The following MECOM variants were observed in gnomAD, a reference collection of about 807,000 sequenced individuals.
MECOM encodes the protein histone-lysine N-methyltransferase MECOM.
MECOM carries 13 observed loss-of-function variants against 116.3 expected under a neutral mutation model. The observed-to-expected ratio is 0.11, with a 90% CI of 0.07 to 0.18. The LOEUF (loss-of-function observed/expected upper bound fraction) is 0.18, where lower values mean the gene tolerates loss of function less well. Ranked by LOEUF, MECOM falls within the 10% of genes least tolerant of loss-of-function variation. The pLI is 1.00. For missense variants in MECOM, 1,299 were observed against 1,509.0 expected (o/e 0.86, Z 2.31); for synonymous variants, 528 against 535.2 (o/e 0.99, Z 0.19).
intron 3 of MECOM, among the ~76,000 whole-genome samples, chr3:169,142,490 G>A (rs990994077): frequency 6.6e-6 from 1 of 151,752 alleles, no homozygotes; most frequent in East Asian, 1.9e-4. Flanking sequence ...TATGATAGAC[G>A]GAATATTTTC....
chr3:169,571,274 C>T (rs1282125765), intron 1 of MECOM, among the ~76,000 whole-genome samples: 1 of 152,112 alleles, frequency 6.6e-6, no homozygotes, highest in Admixed American at 6.5e-5. Flanking sequence ...CCTAGGAATA[C>T]AATTTACAAG....
At chr3:169,096,650 TCTC>T (rs969227875) in intron 12 of MECOM, among the ~76,000 whole-genome samples, 4 of 152,036 alleles carry the variant, frequency 2.6e-5, no homozygotes, top group African/African-American at 9.7e-5. Context: ...GAAGGGCCCT[TCTC>T]CTCCCACTTC....
Position 169,183,757 on chromosome 3 carries a change from TACATACACACACACACAC to T in MECOM, c.376-39943_376-39926del, listed in dbSNP as rs1192951282. On this transcript the variant is annotated intron_variant, in intron 2 of 16. Transcript: ENST00000651503. ...TACGTTAAGGACTGTAGAAGATACA[TACATACACACACACACAC>T]ACACACACACACACACACACACACA... Among the ~76,000 whole-genome samples, 157 of 84,576 alleles carry T rather than the reference TACATACACACACACACAC, an allele frequency of 1.9e-3. 2 individuals carry two copies. Among genetic ancestry groups the T allele is most frequent in the African/African-American group, 5.5e-3 (135 of 24,584 alleles). The allele number at this position is 84,576 out of a possible 152,430, so 55.5% of individuals were successfully genotyped here.
intron 1 of MECOM, among the ~76,000 whole-genome samples, chr3:169,423,656 G>A (rs1042731962): frequency 1.3e-5 from 2 of 152,050 alleles, no homozygotes; most frequent in Non-Finnish European, 1.5e-5. Flanking sequence ...TTCCTAATAA[G>A]ATGCCTTATT....
intron 2 of MECOM, among the ~76,000 whole-genome samples, chr3:169,175,135 T>C (rs968521892): frequency 3.3e-5 from 5 of 152,186 alleles, no homozygotes; most frequent in African/African-American, 9.6e-5. Context: ...TTTCCTCATA[T>C]ATAACATGAG....
chr3:169,366,245 C>T (rs1158551606), intron 2 of MECOM, among the ~76,000 whole-genome samples: 1 of 151,956 alleles, frequency 6.6e-6, no homozygotes, highest in Non-Finnish European at 1.5e-5. Context: ...CACAGGATCA[C>T]TCTCCATCTG....
At chr3:169,131,593 A>C in intron 3 of MECOM, 62 bp from the exon 4 acceptor site, 1 of 1,304,694 alleles carries the variant, frequency 7.7e-7, no homozygotes, top group Non-Finnish European at 1.1e-6. Context: ...TATATTAACA[A>C]AGGGCAAGAT....
At chr3:169,233,556 G>A (rs1032028921) in intron 2 of MECOM, among the ~76,000 whole-genome samples, 6 of 152,064 alleles carry the variant, frequency 3.9e-5, no homozygotes, top group African/African-American at 1.4e-4. Flanking sequence ...ATACTAAGCA[G>A]AGTTTCCTTA....
intron 1 of MECOM, among the ~76,000 whole-genome samples, chr3:169,420,555 T>C (rs1291617498): frequency 6.6e-6 from 1 of 152,114 alleles, no homozygotes; most frequent in Non-Finnish European, 1.5e-5. Context: ...TATTTCCTTA[T>C]AGGAAGCCGG....
chr3:169,133,814 C>T, intron 3 of MECOM: 1 of 776,630 alleles, frequency 1.3e-6, no homozygotes. Context: ...CTTTTTTCCC[C>T]TAAACTTTCC....
intron 2 of MECOM, among the ~76,000 whole-genome samples, chr3:169,230,337 C>A (rs765862878): frequency 6.6e-6 from 1 of 151,964 alleles, no homozygotes; most frequent in Non-Finnish European, 1.5e-5. Context: ...AAGCATCTTG[C>A]CTCCTTGATG....
intron 2 of MECOM, among the ~76,000 whole-genome samples, chr3:169,168,207 GT>G (rs1301429538): frequency 6.6e-6 from 1 of 151,668 alleles, no homozygotes; most frequent in Non-Finnish European, 1.5e-5. Flanking sequence ...TTTTTGTTGT[GT>G]TTTTTGTTTG....
intron 1 of MECOM, among the ~76,000 whole-genome samples, chr3:169,593,689 A>G (rs1766710179): frequency 6.6e-6 from 1 of 152,172 alleles, no homozygotes; most frequent in African/African-American, 2.4e-5. Context: ...CAAGCTGACA[A>G]TGAGAAAGAT....
intron 1 of MECOM, among the ~76,000 whole-genome samples, chr3:169,651,722 T>A (rs1774938302): frequency 1.3e-5 from 2 of 151,846 alleles, no homozygotes; most frequent in Admixed American, 1.3e-4. Context: ...ATCTCACAAA[T>A]CACCACTAAA....
chr3:169,332,534 CAT>C (rs1362583414), intron 2 of MECOM, among the ~76,000 whole-genome samples: 32 of 152,198 alleles, frequency 2.1e-4, no homozygotes, highest in African/African-American at 7.2e-4. Flanking sequence ...AGGGATATAA[CAT>C]GTATAAAATT....
chr3:169,436,471 A>G (rs917115589), intron 1 of MECOM, among the ~76,000 whole-genome samples: 9 of 151,996 alleles, frequency 5.9e-5, no homozygotes, highest in African/African-American at 2.2e-4. Flanking sequence ...GCTGGTCTCA[A>G]ACTCCCGACC....
At chr3:169,124,304 T>C (rs1248119290) in intron 5 of MECOM, among the ~76,000 whole-genome samples, 4 of 152,036 alleles carry the variant, frequency 2.6e-5, no homozygotes, top group Non-Finnish European at 4.4e-5. Context: ...ACTCAGTTTC[T>C]TCTATAATTT....
In MECOM at chr3:169,499,520, CAAG is replaced by C. The variant is rs57004501; in HGVS notation, c.38-117999_38-117997del. On this transcript the variant is annotated intron_variant, in intron 1 of 16. Coordinates refer to ENST00000651503, the MANE Select transcript of MECOM (RefSeq NM_004991.4). The stretch of plus-strand genomic sequence containing the variant: ...TCAAACCATCATTCAAAAGAGCAGA[CAAG>C]AAGAAGATATTTCCAGACTTATAAG... 0.018 allele frequency among the ~76,000 whole-genome samples: 2,765 copies of C among 151,176 alleles called. 241 individuals are homozygous for C. In the East Asian group the frequency reaches 0.3, roughly 16 times the overall value.
chr3:169,436,381 G>GT (rs983793837), intron 1 of MECOM, among the ~76,000 whole-genome samples: 9 of 151,074 alleles, frequency 6.0e-5, no homozygotes, highest in African/African-American at 1.9e-4. Flanking sequence ...CTCCCAACTA[G>GT]TTAGTATTAC....
Sources: gnomAD v4.1 joint callset for allele counts (sites outside exome capture counted in the v4.1 genomes callset) on GRCh38, gnomAD v4.1.1 for gene constraint, MANE v1.5 for transcripts, NCBI Gene and HGNC (gene_info 2026-07-23, HGNC 2026-07-21) for gene names.